CD96: variants seen among roughly 807,000 people sequenced by gnomAD.
The protein encoded by CD96 is CD96 molecule, also known as T-cell surface protein tactile.
A neutral mutation model predicts 71.3 loss-of-function variants in CD96; 70 were observed. The observed-to-expected ratio is 0.98, with a 90% CI of 0.81 to 1.20. CD96 has a LOEUF of 1.20. Ranked by LOEUF, CD96 falls within the 50% of genes most tolerant of loss-of-function variation. The probability of loss-of-function intolerance (pLI) is 0.00; values close to 1 mark genes in which losing one functional copy is unlikely to be tolerated. For synonymous variants in CD96, 248 were observed against 233.0 expected (o/e 1.06, Z -0.59); for missense variants, 742 against 677.5 (o/e 1.10, Z -1.06).
chr3:111,554,161 T>C (rs1201405830), intron 2 of CD96, among the ~76,000 whole-genome samples: 1 of 152,048 alleles, frequency 6.6e-6, no homozygotes, highest in Non-Finnish European at 1.5e-5. Context: ...TAAATTTACA[T>C]TTTTATATAT....
chr3:111,611,459 T>C (rs995087410), intron 8 of CD96, among the ~76,000 whole-genome samples: 3 of 152,216 alleles, frequency 2.0e-5, no homozygotes, highest in Non-Finnish European at 4.4e-5. Context: ...CATTGGATTC[T>C]AGTGTTAACA....
chr3:111,606,327 T>C (rs927539607), intron 7 of CD96, among the ~76,000 whole-genome samples: 1 of 152,206 alleles, frequency 6.6e-6, no homozygotes, highest in African/African-American at 2.4e-5. Context: ...TTTCAAACAC[T>C]TGAAAATATT....
chr3:111,636,999 A>G (rs1939361595), intron 10 of CD96, among the ~76,000 whole-genome samples, 197 bp from the exon 11 acceptor site: 1 of 152,114 alleles, frequency 6.6e-6, no homozygotes, highest in South Asian at 2.1e-4. Flanking sequence ...TCCCCATTAT[A>G]GACATCTGAA....
At chr3:111,570,260 G>A (rs2107555951) in intron 3 of CD96, among the ~76,000 whole-genome samples, 1 of 152,252 alleles carries the variant, frequency 6.6e-6, no homozygotes, top group South Asian at 2.1e-4. Flanking sequence ...GACCTATTGG[G>A]AATTTACTAC....
intron 7 of CD96, 88 bp downstream of exon 7, chr3:111,601,002 A>G (rs964369210): frequency 1.2e-6 from 1 of 858,854 alleles, no homozygotes; most frequent in African/African-American, 1.7e-5. Context: ...TATCACTTCC[A>G]TAACGTTTTA....
chr3:111,545,683 C>T (rs1044438392), intron 2 of CD96, among the ~76,000 whole-genome samples: 4 of 152,158 alleles, frequency 2.6e-5, no homozygotes, highest in Non-Finnish European at 5.9e-5. Context: ...AACACCATAG[C>T]TTAAGTCTAA....
chr3:111,579,043 A>G lies in CD96; in HGVS notation c.560A>G (p.Gln187Arg). 1 of 1,601,334 alleles carries G rather than the reference A, an allele frequency of 6.2e-7. No homozygotes were observed. The highest frequency in any genetic ancestry group is 8.6e-7 in the Non-Finnish European group (1 of 1,168,314). Residue 187 changes from glutamine to arginine, a missense_variant, in exon 4 of 14, where the codon CAG becomes CGG. Gln to Arg is a conservative substitution (Grantham distance 43). Coordinates refer to ENST00000352690, the MANE Select transcript of CD96 (RefSeq NM_005816.5). ...YAWSVEDNGT[Q>R]ETLISQNHLI... ...TCTCACCAGGAGGATAATGGAACTC[A>G]GGAAACACTTATCTCCCAAAATCAC...
At chr3:111,654,218 G>A (rs976088615), downstream of CD96, among the ~76,000 whole-genome samples, 1 of 152,190 alleles carries the variant, frequency 6.6e-6, no homozygotes, top group Non-Finnish European at 1.5e-5. Flanking sequence ...TAAAGGATGG[G>A]TGTCCACATT....
chr3:111,662,328 G>A (rs1202550682), intron 14 of CD96, among the ~76,000 whole-genome samples: 1 of 152,210 alleles, frequency 6.6e-6, no homozygotes, highest in Non-Finnish European at 1.5e-5. Flanking sequence ...AAATGCCTTG[G>A]AGGCATTTTC....
At chr3:111,543,853 G>C (rs774176267) in intron 1 of CD96, among the ~76,000 whole-genome samples, 1 of 152,118 alleles carries the variant, frequency 6.6e-6, no homozygotes, top group Non-Finnish European at 1.5e-5. Context: ...GAATTGTCAC[G>C]GGTTAAATAA....
At chr3:111,662,613 C>T (rs983068796) in intron 14 of CD96, among the ~76,000 whole-genome samples, 22 of 152,218 alleles carry the variant, frequency 1.4e-4, no homozygotes, top group African/African-American at 5.3e-4. Context: ...AATCATCTCT[C>T]TTAAGTTCAA....
At chr3:111,601,060 A>G (rs1277323993) in intron 7 of CD96, 146 bp downstream of exon 7, 7 of 582,170 alleles carry the variant, frequency 1.2e-5, no homozygotes, top group Middle Eastern at 4.0e-4. Context: ...AAGTTATCAA[A>G]CATTTTTGAC....
At chr3:111,656,334 T>C (rs1940228178), downstream of CD96, among the ~76,000 whole-genome samples, 1 of 152,224 alleles carries the variant, frequency 6.6e-6, no homozygotes, top group African/African-American at 2.4e-5. Flanking sequence ...TTAGTTGTCA[T>C]GAATTTCAAG....
chr3:111,606,826 A>G (rs775399982), intron 8 of CD96, 34 bp downstream of exon 8: 1 of 1,180,302 alleles, frequency 8.5e-7, no homozygotes, highest in Non-Finnish European at 1.3e-6. Flanking sequence ...TATTGATTTA[A>G]CCAAGCAGAT....
At chr3:111,563,110 T>C (rs1213286301) in intron 2 of CD96, among the ~76,000 whole-genome samples, 2 of 152,232 alleles carry the variant, frequency 1.3e-5, no homozygotes, top group Non-Finnish European at 2.9e-5. Context: ...TAACTCGCCC[T>C]TTTATAATGG....
intron 2 of CD96, among the ~76,000 whole-genome samples, chr3:111,549,516 T>C (rs1934589637): frequency 6.6e-6 from 1 of 152,100 alleles, no homozygotes; most frequent in East Asian, 1.9e-4. Flanking sequence ...AGAGAATGAA[T>C]TGGAGAAGGC....
intron 3 of CD96, among the ~76,000 whole-genome samples, chr3:111,572,795 C>G (rs1273626766): frequency 6.6e-6 from 1 of 152,152 alleles, no homozygotes; most frequent in Non-Finnish European, 1.5e-5. Flanking sequence ...AATTATGACC[C>G]TCATAGGAAA....
chr3:111,600,937 T>G (rs1475202532), intron 7 of CD96, 23 bp downstream of exon 7: 2 of 1,452,168 alleles, frequency 1.4e-6, no homozygotes, highest in Non-Finnish European at 1.9e-6. Flanking sequence ...TTTAATAAGA[T>G]CAACAAGAGT....
At chr3:111,559,042 A>T (rs1320225282) in intron 2 of CD96, among the ~76,000 whole-genome samples, 1 of 152,238 alleles carries the variant, frequency 6.6e-6, no homozygotes, top group East Asian at 1.9e-4. Flanking sequence ...TTCTGTGGGA[A>T]AGGTGGTGAT....
Sources: gnomAD v4.1 joint callset for allele counts (sites outside exome capture counted in the v4.1 genomes callset) on GRCh38, gnomAD v4.1.1 for gene constraint, MANE v1.5 for transcripts, NCBI Gene and HGNC (gene_info 2026-07-23, HGNC 2026-07-21) for gene names.